IL1RAPL1: variants seen among roughly 807,000 people sequenced by gnomAD.
IL1RAPL1 encodes the protein interleukin-1 receptor accessory protein-like 1.
In IL1RAPL1, 3 loss-of-function variants were observed where a neutral mutation model predicts 48.4. The observed-to-expected ratio is 0.06, with a 90% CI of 0.03 to 0.16. The LOEUF (loss-of-function observed/expected upper bound fraction) is 0.16. Ranked by LOEUF, IL1RAPL1 falls within the 10% of genes least tolerant of loss-of-function variation. The pLI is 1.00. For missense variants in IL1RAPL1, 349 were observed against 530.6 expected (o/e 0.66, Z 3.36); for synonymous variants, 185 against 187.7 (o/e 0.99, Z 0.12).
At chrX:29,757,711 A>C (rs1462642159) in intron 6 of IL1RAPL1, among the ~76,000 whole-genome samples, 1 of 112,168 alleles carries the variant, frequency 8.9e-6, no homozygotes, top group African/African-American at 3.2e-5. Context: ...CAAAGTTATT[A>C]AAATGTAGAG....
chrX:29,150,921 CAA>C (rs757072950), intron 2 of IL1RAPL1, among the ~76,000 whole-genome samples: 4 of 43,737 alleles, frequency 9.1e-5, no homozygotes, highest in Admixed American at 3.0e-4. Flanking sequence ...GACTCCATCT[CAA>C]AAAAAAAAAA....
intron 3 of IL1RAPL1, among the ~76,000 whole-genome samples, chrX:29,389,473 C>T (rs1933828161): frequency 9.0e-6 from 1 of 110,601 alleles, no homozygotes; most frequent in South Asian, 3.8e-4. Flanking sequence ...CCTCAGTTTC[C>T]CTCAGTGACA....
At chrX:29,774,140 A>AC (rs765298826) in intron 6 of IL1RAPL1, among the ~76,000 whole-genome samples, 47 of 95,652 alleles carry the variant, frequency 4.9e-4, no homozygotes, top group South Asian at 5.6e-4. Flanking sequence ...CCTCTCCGCC[A>AC]CCCCCCTCCC....
intron 5 of IL1RAPL1, among the ~76,000 whole-genome samples, chrX:29,447,275 C>T (rs903369124): frequency 9.1e-6 from 1 of 109,450 alleles, no homozygotes; most frequent in Non-Finnish European, 1.9e-5. Flanking sequence ...GTTTTTATTG[C>T]AAAGCTGCCT....
intron 6 of IL1RAPL1, among the ~76,000 whole-genome samples, chrX:29,702,188 A>C (rs1405193822): frequency 9.5e-6 from 1 of 105,044 alleles, no homozygotes; most frequent in Non-Finnish European, 1.9e-5. Context: ...CCGGGGACGG[A>C]GGTTGCAGTG....
Position 29,941,764 on chromosome X carries a change from A to G in IL1RAPL1, c.1171A>G (p.Asn391Asp). ...YKIEIMLFYR[N>D]HFGAEELDGD... ...GATAGAAATCATGCTCTTCTACAGGAATCATTTTGGAGCTGAAGAGCTCGA... is the reference window on the plus strand; with the variant it reads ...GATAGAAATCATGCTCTTCTACAGGGATCATTTTGGAGCTGAAGAGCTCGA... The change falls in exon 9 of 11, where the codon AAT becomes GAT. Residue 391 changes from asparagine (N) to aspartate (D), a missense_variant. Transcript: ENST00000378993. 8.3e-7 allele frequency: 1 copy of G among 1,209,143 alleles called. No individual in the cohort carries two copies. The highest frequency in any genetic ancestry group is 3.0e-5 in the East Asian group (1 of 33,818).
intron 5 of IL1RAPL1, among the ~76,000 whole-genome samples, chrX:29,642,990 A>G (rs1346007238): frequency 8.9e-6 from 1 of 112,479 alleles, no homozygotes; most frequent in Non-Finnish European, 1.9e-5. Context: ...ACAAATATTA[A>G]TTTGAGGTGT....
rs575952673 is a variant in IL1RAPL1, at chrX:29,527,043, A to G, written c.703+127735A>G. On this transcript the variant is annotated intron_variant, in intron 5 of 10. Coordinates refer to ENST00000378993, the MANE Select transcript of IL1RAPL1 (RefSeq NM_014271.4). Reference sequence around the variant, plus strand: ...CAACAAATAACAGTGTCAATAGCACATGAATGGACAGACCAATGGAATAAA... The same window carrying G: ...CAACAAATAACAGTGTCAATAGCACGTGAATGGACAGACCAATGGAATAAA... Among the ~76,000 whole-genome samples, 10 of 112,063 alleles carry G rather than the reference A, an allele frequency of 8.9e-5. No homozygotes were observed. The South Asian group carries it at 3.3e-3, about 37-fold the overall frequency.
intron 2 of IL1RAPL1, among the ~76,000 whole-genome samples, chrX:29,120,034 A>C (rs776199688): frequency 1.8e-5 from 2 of 111,529 alleles, no homozygotes; most frequent in South Asian, 7.5e-4. Flanking sequence ...CATCCTGCCC[A>C]CCCAAAGAGG....
At chrX:29,886,498 T>C (rs1262416499) in intron 6 of IL1RAPL1, among the ~76,000 whole-genome samples, 3 of 112,181 alleles carry the variant, frequency 2.7e-5, no homozygotes, top group African/African-American at 9.7e-5. Flanking sequence ...CCCTTAGGCA[T>C]TGAATTATAA....
At chrX:29,081,016 CTCTCTTTCTTTTCTTTTCT>C (rs1420653329) in intron 2 of IL1RAPL1, among the ~76,000 whole-genome samples, 2 of 54,407 alleles carry the variant, frequency 3.7e-5, no homozygotes, top group Non-Finnish European at 6.9e-5. Context: ...CTCTCTCTCT[CTCTCTTTCTTTTCTTTTCT>C]TTTCTTTTCT....
At position 29,783,851 on chromosome X, in the gene IL1RAPL1, A is replaced by T. The variant is rs7473222; in HGVS notation, c.778+115347A>T. 9.9e-3 allele frequency among the ~76,000 whole-genome samples: 1,118 copies of T among 112,527 alleles called. 11 individuals are homozygous for T. Among genetic ancestry groups the T allele is most frequent in the African/African-American group, 0.034 (1,062 of 30,986 alleles). On this transcript the variant is annotated intron_variant, in intron 6 of 10. Coordinates refer to ENST00000378993, the MANE Select transcript of IL1RAPL1 (RefSeq NM_014271.4). ...GAAACCAAACTAAACAAAAATAAGT[A>T]AGAACAAAACTCCGATTTAATTCAA...
intron 1 of IL1RAPL1, among the ~76,000 whole-genome samples, chrX:28,620,078 A>T (rs965311617): frequency 2.9e-5 from 3 of 104,124 alleles, no homozygotes; most frequent in East Asian, 3.1e-4. Context: ...CCTGCAGTTT[A>T]AAAAAAAAAA....
At chrX:28,732,622 A>G (rs1305634078) in intron 1 of IL1RAPL1, among the ~76,000 whole-genome samples, 1 of 111,989 alleles carries the variant, frequency 8.9e-6, no homozygotes. Flanking sequence ...GTTTCATCCC[A>G]GCACTTTGGG....
chrX:28,856,047 G>C (rs1921796774), intron 2 of IL1RAPL1, among the ~76,000 whole-genome samples: 2 of 111,820 alleles, frequency 1.8e-5, no homozygotes, highest in African/African-American at 6.5e-5. Flanking sequence ...CTCAAGTTCT[G>C]TTTCTTGGTC....
intron 3 of IL1RAPL1, among the ~76,000 whole-genome samples, chrX:29,322,170 CTTTCTTTCTCT>C (rs200358776): frequency 0.013 from 1,422 of 110,623 alleles, 14 homozygotes; most frequent in Non-Finnish European, 0.02. Context: ...AGTTCAACAT[CTTTCTTTCTCT>C]TTTCTTTCTC....
chrX:28,688,885 T>C (rs1017167156), intron 1 of IL1RAPL1, among the ~76,000 whole-genome samples: 1 of 111,269 alleles, frequency 9.0e-6, no homozygotes, highest in Non-Finnish European at 1.9e-5. Context: ...CTCCAGTAAT[T>C]AGCTGTCTTT....
chrX:29,756,208 G>A (rs1001203650), intron 6 of IL1RAPL1, among the ~76,000 whole-genome samples: 5 of 111,707 alleles, frequency 4.5e-5, no homozygotes, highest in African/African-American at 1.6e-4. Context: ...AGAGATGTAT[G>A]TAAGTTGTTA....
intron 1 of IL1RAPL1, among the ~76,000 whole-genome samples, chrX:28,733,126 GCA>G (rs1935775925): frequency 9.3e-6 from 1 of 107,673 alleles, no homozygotes; most frequent in East Asian, 2.9e-4. Context: ...ATATACAGGT[GCA>G]CACACAGTTA....
Sources: gnomAD v4.1 joint callset for allele counts (sites outside exome capture counted in the v4.1 genomes callset) on GRCh38, gnomAD v4.1.1 for gene constraint, MANE v1.5 for transcripts, NCBI Gene and HGNC (gene_info 2026-07-23, HGNC 2026-07-21) for gene names.